RSU1: variants seen among roughly 807,000 people sequenced by gnomAD.
The protein encoded by RSU1 is rsu-1.
RSU1 carries 26 observed loss-of-function variants against 31.1 expected under a neutral mutation model. That is an observed-to-expected ratio of 0.84 (90% CI 0.61 to 1.16). The LOEUF is 1.16. Among genes scored for constraint, RSU1 ranks in the 50% most tolerant of loss-of-function variants. The pLI is 0.00. For synonymous variants in RSU1, 164 were observed against 136.3 expected, an observed-to-expected ratio of 1.20 and a Z score of -1.41; for missense variants, 320 against 339.1, an observed-to-expected ratio of 0.94 and a Z score of 0.44.
chr10:16,603,976 C>T (rs1833755100), intron 8 of RSU1, among the ~76,000 whole-genome samples: 1 of 152,186 alleles, frequency 6.6e-6, no homozygotes. Context: ...GAATCTAGCT[C>T]TCAGAACCTA....
At chr10:16,689,406 A>G (rs535030995) in intron 8 of RSU1, among the ~76,000 whole-genome samples, 1 of 152,252 alleles carries the variant, frequency 6.6e-6, no homozygotes, top group Non-Finnish European at 1.5e-5. Flanking sequence ...AGTTATTTAA[A>G]GAATTTCTAG....
intron 7 of RSU1, among the ~76,000 whole-genome samples, chr10:16,742,833 A>G (rs536309395): frequency 6.6e-6 from 1 of 152,318 alleles, no homozygotes; most frequent in East Asian, 1.9e-4. Flanking sequence ...ATGTGTTGCA[A>G]CTTCCCAACC....
rs796341801 is a variant in RSU1, at chr10:16,645,934, ATG to A, written c.731+49087_731+49088del. Among the ~76,000 whole-genome samples the A allele has an allele frequency of 3.3e-3, 57 of 17,198 alleles. 3 individuals carry two copies. The highest frequency in any genetic ancestry group is 4.5e-3 in the Non-Finnish European group (29 of 6,486). The allele number at this position is 17,198 out of a possible 152,430, so 11.3% of individuals were successfully genotyped here. On this transcript the variant is annotated intron_variant, in intron 8 of 8. Transcript: ENST00000345264. ...TGTATATATATGTGTATATACACAT[ATG>A]TGTATATATATGTGTATATACATAT... is the stretch of plus-strand genomic sequence containing the variant.
intron 8 of RSU1, among the ~76,000 whole-genome samples, chr10:16,620,481 CA>C (rs1204017615): frequency 4.0e-5 from 6 of 151,248 alleles, no homozygotes; most frequent in Non-Finnish European, 8.8e-5. Flanking sequence ...GATGTGGCCT[CA>C]GCAGGTCTCA....
chr10:16,614,646 C>T (rs1564286595), intron 8 of RSU1, among the ~76,000 whole-genome samples: 1 of 152,080 alleles, frequency 6.6e-6, no homozygotes, highest in African/African-American at 2.4e-5. Flanking sequence ...TGTGTACCCA[C>T]AAAAATTAAA....
intron 8 of RSU1, among the ~76,000 whole-genome samples, chr10:16,660,218 CTCAGGTG>C (rs1486363023): frequency 6.6e-6 from 1 of 152,204 alleles, no homozygotes; most frequent in East Asian, 1.9e-4. Context: ...GCTTCCGAAG[CTCAGGTG>C]TCTTTGGGCA....
At chr10:16,714,034 T>G (rs985983484) in intron 7 of RSU1, among the ~76,000 whole-genome samples, 2 of 151,898 alleles carry the variant, frequency 1.3e-5, no homozygotes, top group African/African-American at 4.8e-5. Flanking sequence ...TTGCTGGGAG[T>G]AGGGGTGTTG....
chr10:16,686,867 C>G (rs1389544514), intron 8 of RSU1, among the ~76,000 whole-genome samples: 1 of 152,086 alleles, frequency 6.6e-6, no homozygotes, highest in Non-Finnish European at 1.5e-5. Context: ...TTTTTTTCCC[C>G]TATGCCCCTC....
intron 4 of RSU1, among the ~76,000 whole-genome samples, chr10:16,760,386 G>C (rs1837183399): frequency 6.6e-6 from 1 of 151,884 alleles, no homozygotes; most frequent in Non-Finnish European, 1.5e-5. Flanking sequence ...GTGTGCACTT[G>C]TAATCCCAAC....
intron 2 of RSU1, among the ~76,000 whole-genome samples, chr10:16,790,113 C>T (rs1837881476): frequency 6.6e-6 from 1 of 152,026 alleles, no homozygotes; most frequent in African/African-American, 2.4e-5. Flanking sequence ...ATTCTTGAGC[C>T]AGGAAGGGAA....
chr10:16,625,511 C>T (rs891384924), intron 8 of RSU1, among the ~76,000 whole-genome samples: 2 of 152,304 alleles, frequency 1.3e-5, no homozygotes, highest in Non-Finnish European at 2.9e-5. Context: ...GGGAAACCCA[C>T]GACACGTTTC....
intron 8 of RSU1, among the ~76,000 whole-genome samples, chr10:16,686,670 G>C (rs892228403): frequency 1.4e-4 from 22 of 152,170 alleles, no homozygotes; most frequent in African/African-American, 4.8e-4. Context: ...ATGCAGGCTT[G>C]ATAGTCAACA....
At chr10:16,646,908 G>A (rs1834582895) in intron 8 of RSU1, among the ~76,000 whole-genome samples, 2 of 152,128 alleles carry the variant, frequency 1.3e-5, no homozygotes, top group South Asian at 4.2e-4. Flanking sequence ...TCATACCAGT[G>A]GGTGTGAAAT....
intron 7 of RSU1, among the ~76,000 whole-genome samples, chr10:16,751,286 G>A (rs943095217): frequency 6.6e-6 from 1 of 152,204 alleles, no homozygotes; most frequent in Non-Finnish European, 1.5e-5. Context: ...GTAAAGAGAA[G>A]TGTTGAGTTG....
chr10:16,719,117 C>T (rs192972406), intron 7 of RSU1, among the ~76,000 whole-genome samples: 38 of 152,106 alleles, frequency 2.5e-4, no homozygotes, highest in African/African-American at 8.2e-4. Flanking sequence ...AGACAAGCCT[C>T]GGCAACACAG....
chr10:16,723,611 T>C (rs868771830), intron 7 of RSU1, among the ~76,000 whole-genome samples: 14 of 152,218 alleles, frequency 9.2e-5, no homozygotes, highest in African/African-American at 2.9e-4. Context: ...GCTAGTCGCA[T>C]ACTATAGTTT....
At chr10:16,796,623 A>AT (rs1028265842) in intron 2 of RSU1, among the ~76,000 whole-genome samples, 2 of 152,206 alleles carry the variant, frequency 1.3e-5, no homozygotes, top group African/African-American at 2.4e-5. Flanking sequence ...CACAATGATC[A>AT]TTTTTTGAGT....
intron 8 of RSU1, among the ~76,000 whole-genome samples, chr10:16,645,723 C>G (rs1177320398): frequency 1.3e-5 from 2 of 151,242 alleles, no homozygotes; most frequent in African/African-American, 4.9e-5. Flanking sequence ...AGGAGAATCA[C>G]TTGAACTCGG....
intron 8 of RSU1, among the ~76,000 whole-genome samples, chr10:16,625,745 C>G (rs1478445858): frequency 6.6e-6 from 1 of 152,200 alleles, no homozygotes; most frequent in African/African-American, 2.4e-5. Flanking sequence ...TGAATGGCAT[C>G]AACAGGTTAT....
Sources: gnomAD v4.1 joint callset for allele counts (sites outside exome capture counted in the v4.1 genomes callset) on GRCh38, gnomAD v4.1.1 for gene constraint, MANE v1.5 for transcripts, NCBI Gene and HGNC (gene_info 2026-07-23, HGNC 2026-07-21) for gene names.